AGO2: variants seen among roughly 807,000 people sequenced by gnomAD.
AGO2 encodes the protein argonaute RISC catalytic component 2.
Under a neutral mutation model 102.3 loss-of-function variants are expected in AGO2, and 5 were observed. The ratio of observed to expected loss-of-function variants is 0.05; its 90% CI spans 0.03 to 0.10. AGO2 has a LOEUF of 0.10. AGO2 is among the 10% of genes least tolerant of loss of function. AGO2 has a pLI of 1.00. For missense variants in AGO2, 541 were observed against 1,183.7 expected (o/e 0.46, Z 7.97); for synonymous variants, 449 against 473.1 (o/e 0.95, Z 0.66).
chr8:140,635,611 G>A lies in AGO2; in HGVS notation c.-105C>T, dbSNP rs2074398464. 6.0e-6 allele frequency: 5 copies of A among 828,918 alleles called. No individual in the cohort carries two copies. The highest frequency in any genetic ancestry group is 7.2e-6 in the Non-Finnish European group (5 of 690,088). The allele number at this position is 828,918 out of a possible 1,614,324, so 51.3% of individuals were successfully genotyped here. A position where few individuals can be genotyped will look rare whatever the true frequency, so the allele number is the denominator to read the frequency against. Reference sequence around the variant, plus strand: ...AGCCGCCGGCCGCACGATCCGCCCCGGCGCGGCCGCCTCGCCAAACAGGTT... The same window carrying A: ...AGCCGCCGGCCGCACGATCCGCCCCAGCGCGGCCGCCTCGCCAAACAGGTT... On this transcript the variant is annotated 5_prime_UTR_variant, in exon 1 of 19. Coordinates refer to ENST00000220592, the MANE Select transcript of AGO2 (RefSeq NM_012154.5).
chr8:140,532,339 C>T, intron 18 of AGO2, 77 bp downstream of exon 18: 1 of 1,521,636 alleles, frequency 6.6e-7, no homozygotes, highest in South Asian at 1.2e-5. Flanking sequence ...TGCCCCTTCC[C>T]CTTCCAGAAA....
intron 1 of AGO2, among the ~76,000 whole-genome samples, chr8:140,611,675 G>A (rs1285962356): frequency 6.6e-6 from 1 of 152,024 alleles, no homozygotes; most frequent in Non-Finnish European, 1.5e-5. Context: ...AGGAAGTGGG[G>A]GGTGCACATA....
rs1029149585 is a variant in AGO2 at position 140,524,806 on chromosome 8, A to G, written c.*7238T>C. 6.6e-6 allele frequency: 1 copy of G among 152,376 alleles called. No individual in the cohort carries two copies. Among genetic ancestry groups the G allele is most frequent in the Non-Finnish European group, 1.5e-5 (1 of 68,228 alleles). The allele number at this position is 152,376 out of a possible 1,614,324, so 9.4% of individuals were successfully genotyped here. Reference sequence around the variant, plus strand: ...GACCCCTACACGAGCACCCCGATCTATGAAGTCGCTTGCACTGTGCCCTGC... The same window carrying G: ...GACCCCTACACGAGCACCCCGATCTGTGAAGTCGCTTGCACTGTGCCCTGC... On this transcript the variant is annotated 3_prime_UTR_variant, in exon 19 of 19. Coordinates refer to ENST00000220592, the MANE Select transcript of AGO2 (RefSeq NM_012154.5).
Position 140,522,851 on chromosome 8 carries a change from T to C in AGO2, c.*9193A>G, listed in dbSNP as rs572235774. Reference sequence around the variant, plus strand: ...TTTACACTCACTCTGCCTAATATTTTTGCATACTCTGAAACTCACAAATTT... The same window carrying C: ...TTTACACTCACTCTGCCTAATATTTCTGCATACTCTGAAACTCACAAATTT... On this transcript the variant is annotated 3_prime_UTR_variant, in exon 19 of 19. Transcript: ENST00000220592. 3 of 152,302 alleles carry C rather than the reference T, an allele frequency of 2.0e-5. No individual in the cohort carries two copies. Among genetic ancestry groups the C allele is most frequent in the African/African-American group, 7.2e-5 (3 of 41,560 alleles). 9.4% of individuals were successfully genotyped at this position (152,302 alleles called of 1,614,324 possible). A position where few individuals can be genotyped will look rare whatever the true frequency, so the allele number is the denominator to read the frequency against.
chr8:140,599,770 A>G (rs987775063), intron 1 of AGO2, among the ~76,000 whole-genome samples: 3 of 151,936 alleles, frequency 2.0e-5, no homozygotes, highest in Admixed American at 1.3e-4. Context: ...TCCCCAGGCT[A>G]GAGTACAGGG....
chr8:140,611,240 C>T (rs908978092), intron 1 of AGO2, among the ~76,000 whole-genome samples: 4 of 152,206 alleles, frequency 2.6e-5, no homozygotes, highest in African/African-American at 9.7e-5. Flanking sequence ...AGCACGTGCA[C>T]AGCACGGGGA....
chr8:140,550,590 C>A (rs2072978517), intron 11 of AGO2, among the ~76,000 whole-genome samples: 1 of 152,160 alleles, frequency 6.6e-6, no homozygotes, highest in Non-Finnish European at 1.5e-5. Flanking sequence ...ACACTCCCAG[C>A]CTCTCCACCT....
Position 140,552,651 on chromosome 8 carries a change from G to C in AGO2, c.1270-1215C>G, listed in dbSNP as rs552902461. ...CCTGTGTGCAAGAGTCTCACAGACAGCCTGGGGCTCCAGACAGGGAGTGCA... is the reference window on the plus strand; with the variant it reads ...CCTGTGTGCAAGAGTCTCACAGACACCCTGGGGCTCCAGACAGGGAGTGCA... On this transcript the variant is annotated intron_variant, in intron 10 of 18. Coordinates refer to ENST00000220592, the MANE Select transcript of AGO2 (RefSeq NM_012154.5). Among the ~76,000 whole-genome samples, 10 of 152,214 alleles carry C rather than the reference G, an allele frequency of 6.6e-5. 1 individual carries two copies. Among genetic ancestry groups the C allele is most frequent in the Admixed American group, 5.2e-4 (8 of 15,282 alleles).
Position 140,521,524 on chromosome 8 carries a change from T to C in AGO2, c.*10520A>G. ...AAATCAAATTCTTAAGACTCCAAAATATTGTTACCTCCAAAGAATTAAGTA... is the reference window on the plus strand; with the variant it reads ...AAATCAAATTCTTAAGACTCCAAAACATTGTTACCTCCAAAGAATTAAGTA... On this transcript the variant is annotated 3_prime_UTR_variant, in exon 19 of 19. Transcript: ENST00000220592. 6.6e-6 allele frequency: 1 copy of C among 152,356 alleles called. No individual in the cohort carries two copies. The highest frequency in any genetic ancestry group is 2.1e-4 in the South Asian group (1 of 4,832). 9.4% of individuals were successfully genotyped at this position (152,356 alleles called of 1,614,324 possible).
At chr8:140,609,735 G>A (rs1433278851) in intron 1 of AGO2, among the ~76,000 whole-genome samples, 1 of 152,164 alleles carries the variant, frequency 6.6e-6, no homozygotes, top group African/African-American at 2.4e-5. Context: ...CAGAGCAGGT[G>A]CTCAAGACAT....
intron 1 of AGO2, among the ~76,000 whole-genome samples, chr8:140,634,207 CT>C (rs1444812148): frequency 6.6e-6 from 1 of 152,274 alleles, no homozygotes; most frequent in Non-Finnish European, 1.5e-5. Flanking sequence ...TTGAAGCTTT[CT>C]AAATGACATC....
At chr8:140,634,307 C>A (rs1305919426) in intron 1 of AGO2, among the ~76,000 whole-genome samples, 2 of 152,284 alleles carry the variant, frequency 1.3e-5, no homozygotes, top group Non-Finnish European at 2.9e-5. Flanking sequence ...GCCAGGGGGC[C>A]TTCCGGACCC....
chr8:140,583,834 C>T (rs2073598802), intron 2 of AGO2, among the ~76,000 whole-genome samples: 1 of 152,144 alleles, frequency 6.6e-6, no homozygotes, highest in Non-Finnish European at 1.5e-5. Flanking sequence ...GAGTTCATGC[C>T]ACTGGACTCC....
chr8:140,575,962 A>C (rs2073457168), intron 2 of AGO2, among the ~76,000 whole-genome samples: 1 of 152,240 alleles, frequency 6.6e-6, no homozygotes, highest in South Asian at 2.1e-4. Context: ...ACTAGGCTCC[A>C]TTAAAATTAA....
At chr8:140,570,797 C>T (rs1240465609) in intron 3 of AGO2, among the ~76,000 whole-genome samples, 2 of 152,196 alleles carry the variant, frequency 1.3e-5, no homozygotes, top group East Asian at 3.8e-4. Context: ...AGGCCTCACA[C>T]CCATATCTAG....
Position 140,560,510 on chromosome 8 carries a change from C to T in AGO2, c.519G>A (p.Arg173=). The stretch of plus-strand genomic sequence containing the variant: ...AGAAGGAGCGGCCCACGGGGGTGTA[C>T]CTGGAACCAAGAGACCCCACCCCGC... ...DVVMRHLPSM[R]YTPVGRSFFT... is the part of the protein sequence containing the mutation. Residue 173 remains arginine (R), a splice_region_variant and synonymous_variant, in exon 5 of 19, where the codon AGG becomes AGA. Coordinates refer to ENST00000220592, the MANE Select transcript of AGO2 (RefSeq NM_012154.5). The T allele has an allele frequency of 6.2e-7, 1 of 1,610,876 alleles. No homozygotes were observed. The highest frequency in any genetic ancestry group is 1.1e-5 in the South Asian group (1 of 91,022).
At chr8:140,590,186 G>C (rs576754912) in intron 1 of AGO2, among the ~76,000 whole-genome samples, 1 of 152,302 alleles carries the variant, frequency 6.6e-6, no homozygotes, top group Admixed American at 6.5e-5. Flanking sequence ...CAGCTGTGCA[G>C]GGATGGCTGG....
intron 1 of AGO2, among the ~76,000 whole-genome samples, chr8:140,614,614 C>T (rs1186176436): frequency 6.6e-6 from 1 of 152,192 alleles, no homozygotes; most frequent in South Asian, 2.1e-4. Context: ...TCTACTAAGG[C>T]GTCCTTCCGG....
chr8:140,616,165 G>A (rs1468938932), intron 1 of AGO2, among the ~76,000 whole-genome samples: 1 of 152,134 alleles, frequency 6.6e-6, no homozygotes, highest in Non-Finnish European at 1.5e-5. Context: ...GACTCCTCAG[G>A]GAACCCTAAC....
Sources: gnomAD v4.1 joint callset for allele counts (sites outside exome capture counted in the v4.1 genomes callset) on GRCh38, gnomAD v4.1.1 for gene constraint, MANE v1.5 for transcripts, NCBI Gene and HGNC (gene_info 2026-07-23, HGNC 2026-07-21) for gene names.